COL10A1: variants seen among roughly 807,000 people sequenced by gnomAD.
COL10A1 encodes collagen alpha-1(X) chain.
In COL10A1, 10 loss-of-function variants were observed where a neutral mutation model predicts 18.2. The ratio of observed to expected loss-of-function variants is 0.55; its 90% CI spans 0.34 to 0.93. The LOEUF is 0.93. Among genes scored for constraint, COL10A1 ranks in the 40% least tolerant of loss-of-function variants. The probability of loss-of-function intolerance (pLI) is 0.02; values close to 1 mark genes in which losing one functional copy is unlikely to be tolerated. For missense variants in COL10A1, 897 were observed against 853.5 expected, an observed-to-expected ratio of 1.05 and a Z score of -0.64; for synonymous variants, 330 against 316.6, an observed-to-expected ratio of 1.04 and a Z score of -0.45.
chr6:116,210,589 G>T, the COL10A1 span, among the ~76,000 whole-genome samples: 1 of 151,770 alleles, frequency 6.6e-6, no homozygotes, highest in Non-Finnish European at 1.5e-5. Flanking sequence ...CTGTTCCTGG[G>T]GTCATTATGA....
chr6:116,174,525 A>G, the COL10A1 span, among the ~76,000 whole-genome samples: 4 of 152,248 alleles, frequency 2.6e-5, no homozygotes, highest in Non-Finnish European at 5.9e-5. Flanking sequence ...TAGAGTGCCA[A>G]TGTTAAGTGA....
the COL10A1 span, among the ~76,000 whole-genome samples, chr6:116,201,966 A>G: frequency 2.0e-5 from 3 of 152,036 alleles, no homozygotes; most frequent in Admixed American, 6.6e-5. Context: ...AAGTTAATTT[A>G]CACCTGGAGG....
intron 1 of COL10A1, among the ~76,000 whole-genome samples, chr6:116,132,896 A>T (rs1779504654): frequency 6.6e-6 from 1 of 152,190 alleles, no homozygotes; most frequent in Admixed American, 6.5e-5. Flanking sequence ...AGGTGCCATT[A>T]TAGAGCCCAG....
intron 1 of COL10A1, chr6:116,137,067 C>A: frequency 4.8e-6 from 1 of 209,228 alleles, no homozygotes; most frequent in South Asian, 9.6e-5. Flanking sequence ...TTTAAGTCAC[C>A]GTCTCTTCAT....
chr6:116,161,887 G>A (rs1249778856), upstream of COL10A1, among the ~76,000 whole-genome samples: 1 of 152,058 alleles, frequency 6.6e-6, no homozygotes. Context: ...ATCTGTTTGT[G>A]TCATCTACAG....
chr6:116,189,051 C>T, the COL10A1 span, among the ~76,000 whole-genome samples: 1 of 151,904 alleles, frequency 6.6e-6, no homozygotes, highest in African/African-American at 2.4e-5. Flanking sequence ...TGTATATTCA[C>T]AGTTAAAGTC....
Position 116,121,493 on chromosome 6 carries a change from T to C in COL10A1, c.623A>G (p.Gln208Arg), listed in dbSNP as rs779728797. Residue 208 changes from glutamine to arginine, a missense_variant, in exon 3 of 3, where the codon CAG (glutamine) becomes CGG (arginine). Physicochemically the swap from Gln to Arg is conservative, Grantham distance 43. Transcript: ENST00000651968. Reference sequence around the variant, plus strand: ...AGGGCCAGATGGTCCTGTGGGACCCTGAGGGCCTGGAAGACCCCTCTCACC... The same window carrying C: ...AGGGCCAGATGGTCCTGTGGGACCCCGAGGGCCTGGAAGACCCCTCTCACC... ...RPGERGLPGP[Q>R]GPTGPSGPPG... 3.7e-6 allele frequency: 6 copies of C among 1,614,030 alleles called. No homozygotes were observed. The African/African-American group carries it at 8.0e-5, about 22-fold the overall frequency.
chr6:116,165,720 C>T, the COL10A1 span, among the ~76,000 whole-genome samples: 3 of 152,186 alleles, frequency 2.0e-5, no homozygotes, highest in African/African-American at 4.8e-5. Flanking sequence ...TCTTAGTGGG[C>T]CGCACTTCCC....
intron 1 of COL10A1, among the ~76,000 whole-genome samples, chr6:116,155,249 T>C (rs1308625342): frequency 6.6e-6 from 1 of 151,768 alleles, no homozygotes; most frequent in Non-Finnish European, 1.5e-5. Context: ...TTACATGTTA[T>C]ATAGTTTCCT....
the COL10A1 span, among the ~76,000 whole-genome samples, chr6:116,198,429 A>G: frequency 6.6e-6 from 1 of 152,002 alleles, no homozygotes; most frequent in African/African-American, 2.4e-5. Context: ...TATTCGTCCC[A>G]TACATAAGAA....
chr6:116,142,817 C>G (rs1779799797), intron 1 of COL10A1, among the ~76,000 whole-genome samples: 1 of 152,148 alleles, frequency 6.6e-6, no homozygotes, highest in Admixed American at 6.5e-5. Flanking sequence ...CTGTATTTAT[C>G]AGTTCTAAAA....
At chr6:116,125,697 G>A (rs1392952485) in intron 1 of COL10A1, 190 bp from the exon 2 acceptor site, 1 of 475,142 alleles carries the variant, frequency 2.1e-6, no homozygotes, top group Non-Finnish European at 3.7e-6. Context: ...GTTATTTTTG[G>A]AAGCTATACT....
At chr6:116,173,227 C>T in the COL10A1 span, among the ~76,000 whole-genome samples, 4 of 152,312 alleles carry the variant, frequency 2.6e-5, no homozygotes, top group African/African-American at 9.6e-5. Context: ...GTGTCAGTGG[C>T]TACTCCTTAC....
intron 1 of COL10A1, among the ~76,000 whole-genome samples, chr6:116,152,597 T>C (rs1780073203): frequency 6.6e-6 from 1 of 152,162 alleles, no homozygotes; most frequent in Non-Finnish European, 1.5e-5. Context: ...GTGCTTTCTT[T>C]ACCAGGTCTT....
At chr6:116,182,237 G>GTGTGTGTGTA in the COL10A1 span, among the ~76,000 whole-genome samples, 1 of 151,694 alleles carries the variant, frequency 6.6e-6, no homozygotes, top group African/African-American at 2.4e-5. Context: ...GTGTGTGTGT[G>GTGTGTGTGTA]TGTGTGTGTG....
the COL10A1 span, among the ~76,000 whole-genome samples, chr6:116,212,903 C>T: frequency 1.3e-5 from 2 of 152,076 alleles, no homozygotes; most frequent in African/African-American, 4.8e-5. Context: ...AAAAGCTTTT[C>T]ATGTATTTAC....
At chr6:116,200,020 G>A in the COL10A1 span, among the ~76,000 whole-genome samples, 2 of 150,226 alleles carry the variant, frequency 1.3e-5, no homozygotes, top group African/African-American at 5.0e-5. Context: ...GAGTAACTTT[G>A]CAGTGGGGCA....
the COL10A1 span, among the ~76,000 whole-genome samples, chr6:116,186,178 A>C: frequency 6.6e-6 from 1 of 152,090 alleles, no homozygotes; most frequent in Non-Finnish European, 1.5e-5. Flanking sequence ...ATTTTGTTTA[A>C]GGAGAACAAA....
At chr6:116,164,880 G>A in the COL10A1 span, among the ~76,000 whole-genome samples, 2 of 151,924 alleles carry the variant, frequency 1.3e-5, no homozygotes, top group East Asian at 1.9e-4. Context: ...TCAGGAGATC[G>A]AGACCATCCT....
Sources: gnomAD v4.1 joint callset for allele counts (sites outside exome capture counted in the v4.1 genomes callset) on GRCh38, gnomAD v4.1.1 for gene constraint, MANE v1.5 for transcripts, NCBI Gene and HGNC (gene_info 2026-07-23, HGNC 2026-07-21) for gene names.